The following RIMS1 variants were observed in gnomAD, a reference collection of about 807,000 sequenced individuals.
The protein encoded by RIMS1 is regulating synaptic membrane exocytosis protein 1.
RIMS1 carries 83 observed loss-of-function variants against 214.1 expected under a neutral mutation model. The ratio of observed to expected loss-of-function variants is 0.39; its 90% CI spans 0.32 to 0.47. The LOEUF is 0.47. Ranked by LOEUF, RIMS1 falls within the 20% of genes least tolerant of loss-of-function variation. The pLI is 0.99. For missense variants in RIMS1, 2,050 were observed against 2,161.8 expected (o/e 0.95, Z 1.03); for synonymous variants, 793 against 786.8 (o/e 1.01, Z -0.13).
At chr6:72,227,976 T>TA (rs1434402023) in intron 6 of RIMS1, among the ~76,000 whole-genome samples, 1 of 151,894 alleles carries the variant, frequency 6.6e-6, no homozygotes, top group Non-Finnish European at 1.5e-5. Context: ...TTTCTTTTTT[T>TA]AAAAACCACT....
chr6:72,194,403 A>T (rs560152304), intron 6 of RIMS1, among the ~76,000 whole-genome samples: 10 of 152,224 alleles, frequency 6.6e-5, no homozygotes, highest in Non-Finnish European at 1.3e-4. Context: ...ATTGTCATAG[A>T]TATATACTAC....
intron 4 of RIMS1, among the ~76,000 whole-genome samples, chr6:72,159,650 C>A (rs370585992): frequency 2.1e-5 from 3 of 140,446 alleles, no homozygotes; most frequent in African/African-American, 7.4e-5. Context: ...ATAGGGAATC[C>A]TTTCCCCATT....
At chr6:72,124,222 T>G (rs1343652602) in intron 4 of RIMS1, among the ~76,000 whole-genome samples, 1 of 151,874 alleles carries the variant, frequency 6.6e-6, no homozygotes, top group African/African-American at 2.4e-5. Flanking sequence ...TATTTCTCCT[T>G]CATTTATGAA....
At chr6:72,025,270 C>T (rs1452578212) in intron 2 of RIMS1, among the ~76,000 whole-genome samples, 1 of 152,080 alleles carries the variant, frequency 6.6e-6, no homozygotes, top group East Asian at 1.9e-4. Flanking sequence ...ACATTTGCTT[C>T]TTTGAGTTTG....
Position 72,182,705 on chromosome 6 carries a change from C to T in RIMS1, c.1234C>T (p.Arg412Cys), listed in dbSNP as rs1490525212. The change falls in exon 6 of 34, where the codon CGC becomes TGC. Residue 412 changes from arginine (R) to cysteine (C), a missense_variant. By Grantham distance (180) the Arg-to-Cys change is radical. Around this residue, in one of 6 missense-constraint regions of RIMS1, gnomAD observed 882 missense variants for 828.9 expected, o/e 1.06. Coordinates refer to ENST00000521978, the MANE Select transcript of RIMS1 (RefSeq NM_014989.7). Reference protein sequence around the residue: ...AALPEGKAGKRAPAAARASPP... With the variant: ...AALPEGKAGKCAPAAARASPP... ...GCTGCCGGAGGGCAAGGCCGGCAAA[C>T]GCGCGCCGGCGGCAGCCAGGGCCTC... 5 of 1,509,740 alleles carry T rather than the reference C, an allele frequency of 3.3e-6. No individual in the cohort carries two copies. Among genetic ancestry groups the T allele is most frequent in the Non-Finnish European group, 4.4e-6 (5 of 1,134,464 alleles). The allele number at this position is 1,509,740 out of a possible 1,614,324, so 93.5% of individuals were successfully genotyped here.
chr6:72,068,115 C>G (rs1020225432), intron 2 of RIMS1, among the ~76,000 whole-genome samples: 1 of 152,090 alleles, frequency 6.6e-6, no homozygotes, highest in Non-Finnish European at 1.5e-5. Flanking sequence ...TTTTTCATGC[C>G]TGGAAGAAGA....
chr6:72,335,106 G>A (rs748345729), intron 29 of RIMS1, among the ~76,000 whole-genome samples: 2 of 151,930 alleles, frequency 1.3e-5, no homozygotes, highest in Non-Finnish European at 2.9e-5. Flanking sequence ...TACATGCGCA[G>A]AAAGTGCAGG....
At chr6:72,358,218 A>T (rs1204936215) in intron 29 of RIMS1, among the ~76,000 whole-genome samples, 2 of 152,212 alleles carry the variant, frequency 1.3e-5, no homozygotes, top group African/African-American at 4.8e-5. Context: ...GTAAAATATA[A>T]TCCAACAAAA....
At chr6:72,218,996 A>C (rs2057402811) in intron 6 of RIMS1, among the ~76,000 whole-genome samples, 1 of 152,222 alleles carries the variant, frequency 6.6e-6, no homozygotes, top group South Asian at 2.1e-4. Flanking sequence ...TTCATTTTGA[A>C]GTATTACCTG....
intron 24 of RIMS1, among the ~76,000 whole-genome samples, chr6:72,287,687 C>T (rs1286152488): frequency 6.6e-6 from 1 of 151,908 alleles, no homozygotes; most frequent in Non-Finnish European, 1.5e-5. Flanking sequence ...CCTCTGCCTC[C>T]TGGGTTCAAG....
At chr6:71,998,337 A>C (rs1562066068) in intron 2 of RIMS1, among the ~76,000 whole-genome samples, 1 of 152,054 alleles carries the variant, frequency 6.6e-6, no homozygotes, top group Non-Finnish European at 1.5e-5. Context: ...GTTCAGAAGG[A>C]GCTTTCCTGG....
chr6:71,926,272 T>A (rs1039501056), intron 1 of RIMS1, among the ~76,000 whole-genome samples: 1 of 152,196 alleles, frequency 6.6e-6, no homozygotes, highest in Admixed American at 6.5e-5. Flanking sequence ...TTCTATTATA[T>A]GTTTAATCTA....
At chr6:72,194,926 C>A (rs1164367954) in intron 6 of RIMS1, among the ~76,000 whole-genome samples, 1 of 152,106 alleles carries the variant, frequency 6.6e-6, no homozygotes, top group East Asian at 1.9e-4. Flanking sequence ...TAATATAAAT[C>A]TCTCTAAATG....
chr6:72,189,555 A>C (rs973649047), intron 6 of RIMS1, among the ~76,000 whole-genome samples: 1 of 152,214 alleles, frequency 6.6e-6, no homozygotes, highest in Non-Finnish European at 1.5e-5. Flanking sequence ...TGCCCTTTCC[A>C]TGATGGAAGA....
chr6:71,994,111 G>A (rs990049585), intron 2 of RIMS1, among the ~76,000 whole-genome samples: 7 of 152,124 alleles, frequency 4.6e-5, no homozygotes, highest in African/African-American at 1.2e-4. Context: ...AAGACAGCTC[G>A]TGGGAGATGG....
intron 4 of RIMS1, among the ~76,000 whole-genome samples, chr6:72,150,286 T>A (rs1025207897): frequency 6.6e-6 from 1 of 151,848 alleles, no homozygotes; most frequent in Non-Finnish European, 1.5e-5. Context: ...GTAAAATATG[T>A]GAAGGGTGAG....
intron 1 of RIMS1, among the ~76,000 whole-genome samples, chr6:71,952,577 A>C (rs1402260657): frequency 1.3e-5 from 2 of 152,238 alleles, no homozygotes; most frequent in Non-Finnish European, 2.9e-5. Context: ...GCCCTAGGGC[A>C]GGTTCCTACT....
chr6:71,972,373 G>T (rs1796070694), intron 2 of RIMS1, among the ~76,000 whole-genome samples: 1 of 152,120 alleles, frequency 6.6e-6, no homozygotes, highest in African/African-American at 2.4e-5. Flanking sequence ...AAATGTACAT[G>T]ACTTTCTCTA....
intron 28 of RIMS1, among the ~76,000 whole-genome samples, chr6:72,324,115 TA>T (rs1467738705): frequency 6.6e-6 from 1 of 151,830 alleles, no homozygotes; most frequent in Non-Finnish European, 1.5e-5. Flanking sequence ...TGACCAGCAC[TA>T]CAAAAAATAC....
Sources: allele counts gnomAD v4.1 joint callset (sites outside exome capture counted in the v4.1 genomes callset), GRCh38; gene constraint gnomAD v4.1.1; regional missense constraint gnomAD v4.1.1; transcripts MANE v1.5; gene names NCBI Gene and HGNC (gene_info 2026-07-23, HGNC 2026-07-21).